ABCA13: variants seen among roughly 807,000 people sequenced by gnomAD.
The protein encoded by ABCA13 is ATP-binding cassette sub-family A member 13.
Under a neutral mutation model 478.7 loss-of-function variants are expected in ABCA13, and 476 were observed. The ratio of observed to expected loss-of-function variants is 0.99; its 90% confidence interval spans 0.92 to 1.07. ABCA13 has a LOEUF of 1.07. Among genes scored for constraint, ABCA13 ranks in the 50% least tolerant of loss-of-function variants. The pLI, the probability that ABCA13 is intolerant of heterozygous loss-of-function variation, is 0.00. For synonymous variants in ABCA13, 2,252 were observed against 2,158.9 expected (o/e 1.04, Z -1.20); for missense variants, 6,060 against 5,910.6 (o/e 1.03, Z -0.83).
At chr7:48,578,407 TG>T (rs1224114215) in intron 55 of ABCA13, among the ~76,000 whole-genome samples, 2 of 152,210 alleles carry the variant, frequency 1.3e-5, no homozygotes, top group Non-Finnish European at 2.9e-5. Flanking sequence ...AGAAAAGTCA[TG>T]TTTCCCTATA....
chr7:48,536,151 T>C (rs1259588141), intron 55 of ABCA13, among the ~76,000 whole-genome samples: 1 of 152,190 alleles, frequency 6.6e-6, no homozygotes, highest in African/African-American at 2.4e-5. Flanking sequence ...TTTCCCTCTA[T>C]GGTAACATCT....
intron 29 of ABCA13, among the ~76,000 whole-genome samples, chr7:48,343,151 TA>T (rs1201485283): frequency 2.6e-5 from 4 of 152,074 alleles, no homozygotes; most frequent in Admixed American, 1.3e-4. Context: ...TATTAAGGAT[TA>T]AAAAAATTGA....
chr7:48,207,271 C>CAGAT (rs1269221426), intron 3 of ABCA13, among the ~76,000 whole-genome samples: 1 of 151,324 alleles, frequency 6.6e-6, no homozygotes, highest in Non-Finnish European at 1.5e-5. Context: ...CATGAGAGTG[C>CAGAT]AGATGTCTCT....
intron 3 of ABCA13, among the ~76,000 whole-genome samples, chr7:48,200,505 C>T (rs978907052): frequency 6.6e-6 from 1 of 152,210 alleles, no homozygotes; most frequent in Non-Finnish European, 1.5e-5. Flanking sequence ...AGATTCTTCA[C>T]CTAACATTCT....
intron 55 of ABCA13, among the ~76,000 whole-genome samples, chr7:48,558,799 C>T (rs66591834): frequency 0.14 from 21,099 of 152,108 alleles, 1,834 homozygotes; most frequent in African/African-American, 0.23. Context: ...CCTGCCTTAG[C>T]TCATTTGGTG....
At chr7:48,562,179 A>G (rs1227564574) in intron 55 of ABCA13, among the ~76,000 whole-genome samples, 2 of 151,192 alleles carry the variant, frequency 1.3e-5, no homozygotes, top group East Asian at 3.9e-4. Context: ...TTGAATCCTT[A>G]TTATGATCTG....
chr7:48,558,555 C>T (rs1585803869), intron 55 of ABCA13, among the ~76,000 whole-genome samples: 2 of 152,080 alleles, frequency 1.3e-5, no homozygotes, highest in Non-Finnish European at 2.9e-5. Flanking sequence ...GCCTTGGCCT[C>T]CCAAAGTGCT....
At chr7:48,337,056 T>G (rs1475744266) in intron 28 of ABCA13, among the ~76,000 whole-genome samples, 1 of 152,162 alleles carries the variant, frequency 6.6e-6, no homozygotes, top group Non-Finnish European at 1.5e-5. Flanking sequence ...ATGTCAGAAA[T>G]CAGTCACATG....
intron 3 of ABCA13, among the ~76,000 whole-genome samples, chr7:48,216,619 T>G (rs928464013): frequency 6.6e-6 from 1 of 152,200 alleles, no homozygotes; most frequent in African/African-American, 2.4e-5. Context: ...CTTTTTCTTT[T>G]GTTGTTTGTG....
At chr7:48,308,253 C>T (rs1801203603) in intron 23 of ABCA13, among the ~76,000 whole-genome samples, 1 of 152,190 alleles carries the variant, frequency 6.6e-6, no homozygotes. Flanking sequence ...GGGCGGTCTT[C>T]AGGGGCAATA....
chr7:48,306,742 T>C (rs574229274), intron 23 of ABCA13, among the ~76,000 whole-genome samples: 1 of 152,370 alleles, frequency 6.6e-6, no homozygotes, highest in South Asian at 2.1e-4. Context: ...CACACTAGCA[T>C]ACTAGAGTAT....
chr7:48,357,513 A>T (rs1252897524), intron 31 of ABCA13, among the ~76,000 whole-genome samples: 1 of 152,028 alleles, frequency 6.6e-6, no homozygotes, highest in Non-Finnish European at 1.5e-5. Context: ...TTACAAACTT[A>T]TCTCCTTGCT....
intron 39 of ABCA13, 87 bp from the exon 40 acceptor site, chr7:48,410,433 C>T (rs555325571): frequency 6.6e-7 from 1 of 1,514,286 alleles, no homozygotes; most frequent in South Asian, 1.1e-5. Flanking sequence ...AAATTGTGCC[C>T]TGGATCTACC....
chr7:48,273,307 A>T lies in ABCA13; in HGVS notation c.3641A>T (p.Lys1214Ile). 1 of 1,613,654 alleles carries T rather than the reference A, an allele frequency of 6.2e-7. No individual in the cohort carries two copies. Among genetic ancestry groups the T allele is most frequent in the Non-Finnish European group, 8.5e-7 (1 of 1,179,756 alleles). Reference protein sequence around the residue: ...NVARLILNLFKNVTQANDFHN... With the variant: ...NVARLILNLFINVTQANDFHN... ...GCTAGACTCATATTAAATTTGTTTA[A>T]AAATGTAACTCAAGCCAATGACTTC... Residue 1214 changes from lysine (K) to isoleucine (I), a missense_variant, in exon 17 of 62, where the codon AAA (lysine) becomes ATA (isoleucine). This residue lies in a region of ABCA13 where 4,423 missense variants were observed against 4,309.1 expected (regional missense o/e 1.03). Coordinates refer to ENST00000435803, the MANE Select transcript of ABCA13 (RefSeq NM_152701.5).
intron 46 of ABCA13, among the ~76,000 whole-genome samples, chr7:48,481,378 A>G (rs967897108): frequency 6.6e-6 from 1 of 152,226 alleles, no homozygotes; most frequent in Admixed American, 6.5e-5. Flanking sequence ...ATATTTAAAT[A>G]TAATAAAGTC....
At chr7:48,544,832 A>G (rs1784672302) in intron 55 of ABCA13, among the ~76,000 whole-genome samples, 1 of 151,884 alleles carries the variant, frequency 6.6e-6, no homozygotes, top group African/African-American at 2.4e-5. Flanking sequence ...TGTGACTGGC[A>G]TCTGAAAGGG....
At chr7:48,547,422 A>G (rs556444748) in intron 55 of ABCA13, among the ~76,000 whole-genome samples, 1 of 152,036 alleles carries the variant, frequency 6.6e-6, no homozygotes, top group East Asian at 1.9e-4. Flanking sequence ...TATGTCTAAG[A>G]TATGGCAGAA....
chr7:48,408,919 C>A (rs1437605372), intron 39 of ABCA13, among the ~76,000 whole-genome samples: 1 of 152,130 alleles, frequency 6.6e-6, no homozygotes, highest in Non-Finnish European at 1.5e-5. Flanking sequence ...CACTTAACTC[C>A]CACTTGTAAG....
At chr7:48,500,914 C>T (rs1563357979) in intron 48 of ABCA13, among the ~76,000 whole-genome samples, 1 of 152,172 alleles carries the variant, frequency 6.6e-6, no homozygotes, top group Non-Finnish European at 1.5e-5. Flanking sequence ...GCTATAGTAC[C>T]CTCACCATGG....
Sources: gnomAD v4.1 joint callset for allele counts (sites outside exome capture counted in the v4.1 genomes callset) on GRCh38, gnomAD v4.1.1 for gene constraint, gnomAD v4.1.1 regional missense constraint, MANE v1.5 for transcripts, NCBI Gene and HGNC (gene_info 2026-07-23, HGNC 2026-07-21) for gene names.